The following NFYA variants were observed in gnomAD, a reference collection of about 807,000 sequenced individuals.
NFYA encodes nuclear transcription factor Y subunit alpha, also known as CAAT-box DNA binding protein subunit A.
Under a neutral mutation model 52.8 loss-of-function variants are expected in NFYA, and 28 were observed. The ratio of observed to expected loss-of-function variants is 0.53; its 90% confidence interval spans 0.39 to 0.73. The LOEUF is 0.73. NFYA is among the 30% of genes least tolerant of loss of function. The pLI is 0.00. For synonymous variants in NFYA, 150 were observed against 150.7 expected (o/e 1.00, Z 0.03); for missense variants, 234 against 427.0 (o/e 0.55, Z 3.98).
chr6:41,079,149 A>C lies in NFYA; in HGVS notation c.60A>C (p.Gly20=). 6.2e-7 allele frequency: 1 copy of C among 1,614,242 alleles called. No individual in the cohort carries two copies. Among genetic ancestry groups the C allele is most frequent in the South Asian group, 1.1e-5 (1 of 91,090 alleles). Residue 20 remains glycine (G), a synonymous_variant, in exon 2 of 10, where the codon GGA becomes GGC. Coordinates refer to ENST00000341376, the MANE Select transcript of NFYA (RefSeq NM_002505.5). ...CAGAGCAGATTGTTGTCCAGGCAGG[A>C]CAGATTCAGCAGCAGGTATGGAAGC... The part of the protein sequence containing the change: ...SSTEQIVVQA[G]QIQQQQQGGV...
rs1458564558 is a variant in NFYA at position 41,094,513 on chromosome 6, C to T, written c.990+16C>T. On this transcript the variant is annotated intron_variant, in intron 9 of 9. Coordinates refer to ENST00000341376, the MANE Select transcript of NFYA (RefSeq NM_002505.5). ...CCATATGCAGGTAGGAAGACATATA[C>T]ATTTTATTCTTCTCTTTATTACCTT... is the stretch of plus-strand genomic sequence containing the variant. 1.2e-5 allele frequency: 19 copies of T among 1,588,010 alleles called. No homozygotes were observed. The highest frequency in any genetic ancestry group is 1.7e-5 in the Admixed American group (1 of 59,980).
At chr6:41,093,204 G>C (rs960371903) in intron 8 of NFYA, 119 bp downstream of exon 8, 1 of 828,436 alleles carries the variant, frequency 1.2e-6, no homozygotes, top group Admixed American at 3.2e-5. Flanking sequence ...TTAGATACTT[G>C]TTGTCTCTTT....
At chr6:41,083,447 A>G (rs1190480157) in intron 3 of NFYA, among the ~76,000 whole-genome samples, 2 of 152,230 alleles carry the variant, frequency 1.3e-5, no homozygotes, top group Non-Finnish European at 2.9e-5. Flanking sequence ...CAACAAACAT[A>G]TCTAGAATTC....
chr6:41,087,558 A>G (rs947884261), intron 4 of NFYA, among the ~76,000 whole-genome samples: 2 of 152,236 alleles, frequency 1.3e-5, no homozygotes, highest in African/African-American at 4.8e-5. Context: ...CTCAAATAAA[A>G]AAAGTTTGTT....
At chr6:41,075,577 A>C (rs2114082213) in intron 1 of NFYA, 1 of 152,218 alleles carries the variant, frequency 6.6e-6, no homozygotes, top group South Asian at 2.1e-4. Context: ...TCCACTGTTC[A>C]CATGCTGAAA....
intron 4 of NFYA, among the ~76,000 whole-genome samples, chr6:41,084,954 C>G (rs1764003361): frequency 6.6e-6 from 1 of 151,868 alleles, no homozygotes. Context: ...GAGCAAGATT[C>G]TGTCTCAAAA....
chr6:41,094,635 C>G, intron 9 of NFYA, 138 bp downstream of exon 9: 1 of 613,560 alleles, frequency 1.6e-6, no homozygotes, highest in South Asian at 2.0e-5. Flanking sequence ...TCTTATGTCT[C>G]TTTAGATTAT....
intron 4 of NFYA, among the ~76,000 whole-genome samples, chr6:41,087,858 T>C (rs1255504643): frequency 6.6e-6 from 1 of 152,162 alleles, no homozygotes; most frequent in East Asian, 1.9e-4. Flanking sequence ...ACACTCCTAA[T>C]AAAGTGGCTA....
At chr6:41,095,702 A>G (rs1177658300) in intron 9 of NFYA, among the ~76,000 whole-genome samples, 1 of 152,216 alleles carries the variant, frequency 6.6e-6, no homozygotes, top group Non-Finnish European at 1.5e-5. Flanking sequence ...AAGTGCTAGG[A>G]TTACAGGCGC....
In NFYA at chr6:41,099,117, T is replaced by G. The variant is rs1278347745; in HGVS notation, c.*1707T>G. ...GCAAAGGAAACAGGAAGTGAAATAT[T>G]CCTAGTCCCAGGGATCTGGTAATCG... On this transcript the variant is annotated 3_prime_UTR_variant, in exon 10 of 10. Transcript: ENST00000341376. 6.6e-6 allele frequency: 1 copy of G among 152,174 alleles called. No individual in the cohort carries two copies. Among genetic ancestry groups the G allele is most frequent in the Non-Finnish European group, 1.5e-5 (1 of 68,028 alleles). 9.4% of individuals were successfully genotyped at this position (152,174 alleles called of 1,614,324 possible).
chr6:41,095,382 T>C (rs575233298), intron 9 of NFYA, among the ~76,000 whole-genome samples: 17 of 152,336 alleles, frequency 1.1e-4, no homozygotes, highest in African/African-American at 3.6e-4. Flanking sequence ...TTCATGCATG[T>C]CTATCTCCCT....
chr6:41,097,411 C>G lies in NFYA; in HGVS notation c.*1C>G. 6.2e-7 allele frequency: 1 copy of G among 1,613,882 alleles called. No individual in the cohort carries two copies. Among genetic ancestry groups the G allele is most frequent in the East Asian group, 2.2e-5 (1 of 44,850 alleles). ...GACACAGATCATCCGAGTGTCCTAA[C>G]CCCACGCCATGTGATGGAGCTGATC... On this transcript the variant is annotated 3_prime_UTR_variant, in exon 10 of 10. Coordinates refer to ENST00000341376, the MANE Select transcript of NFYA (RefSeq NM_002505.5).
chr6:41,081,349 G>T (rs1449543422), intron 3 of NFYA, among the ~76,000 whole-genome samples: 1 of 152,158 alleles, frequency 6.6e-6, no homozygotes, highest in Admixed American at 6.5e-5. Flanking sequence ...AATTAGCCGG[G>T]CATGGTGGCG....
In NFYA at chr6:41,099,774, T is replaced by A. The variant is rs1764450998; in HGVS notation, c.*2364T>A. The A allele has an allele frequency of 6.6e-6, 1 of 151,950 alleles. No homozygotes were observed. Among genetic ancestry groups the A allele is most frequent in the Non-Finnish European group, 1.5e-5 (1 of 67,980 alleles). The allele number at this position is 151,950 out of a possible 1,614,324, so 9.4% of individuals were successfully genotyped here. ...TATATATTTTAACTGCACTGGTACATTGAACATGTCAGTGTCGATGCCACT... is the reference window on the plus strand; with the variant it reads ...TATATATTTTAACTGCACTGGTACAATGAACATGTCAGTGTCGATGCCACT... On this transcript the variant is annotated 3_prime_UTR_variant, in exon 10 of 10. Coordinates refer to ENST00000341376, the MANE Select transcript of NFYA (RefSeq NM_002505.5).
intron 1 of NFYA, among the ~76,000 whole-genome samples, chr6:41,078,426 G>T (rs913688751): frequency 1.3e-5 from 2 of 152,140 alleles, no homozygotes; most frequent in African/African-American, 4.8e-5. Context: ...CTACATTTTT[G>T]TTTATATATC....
intron 5 of NFYA, 85 bp from the exon 6 acceptor site, chr6:41,090,119 A>G: frequency 2.1e-6 from 2 of 951,450 alleles, no homozygotes; most frequent in East Asian, 5.1e-5. Flanking sequence ...GTCTCAAAAA[A>G]ATAATTTTTT....
intron 2 of NFYA, 137 bp downstream of exon 2, chr6:41,079,301 T>C (rs1336205317): frequency 6.7e-6 from 5 of 750,806 alleles, no homozygotes; most frequent in Non-Finnish European, 1.1e-5. Context: ...TGGCTTGTGC[T>C]GAAATGCCAT....
intron 4 of NFYA, among the ~76,000 whole-genome samples, chr6:41,085,751 CA>C (rs1764028209): frequency 7.3e-6 from 1 of 137,926 alleles, no homozygotes; most frequent in African/African-American, 3.1e-5. Context: ...GTTGTGTTTT[CA>C]TTTTTTTTTT....
chr6:41,091,716 C>G, intron 7 of NFYA, 22 bp downstream of exon 7: 1 of 1,602,864 alleles, frequency 6.2e-7, no homozygotes, highest in Non-Finnish European at 8.5e-7. Flanking sequence ...TATTTTTCAG[C>G]TTTGTCTTTG....
Sources: allele counts gnomAD v4.1 joint callset (sites outside exome capture counted in the v4.1 genomes callset), GRCh38; gene constraint gnomAD v4.1.1; transcripts MANE v1.5; gene names NCBI Gene and HGNC (gene_info 2026-07-23, HGNC 2026-07-21).